Variants in PPP1R12B observed in about 807,000 individuals in gnomAD.
PPP1R12B encodes protein phosphatase 1 regulatory subunit 12B.
A neutral mutation model predicts 126.1 loss-of-function variants in PPP1R12B; 76 were observed. The ratio of observed to expected loss-of-function variants is 0.60; its 90% CI spans 0.50 to 0.73. The LOEUF (loss-of-function observed/expected upper bound fraction) is 0.73, where lower values mean the gene tolerates loss of function less well. PPP1R12B is among the 30% of genes least tolerant of loss of function. The pLI is 0.00. For synonymous variants in PPP1R12B, 356 were observed against 434.7 expected, an observed-to-expected ratio of 0.82 and a Z score of 2.25; for missense variants, 1,052 against 1,205.1, an observed-to-expected ratio of 0.87 and a Z score of 1.88.
In PPP1R12B at chr1:202,575,014, C is replaced by T. The variant is rs1176579976; in HGVS notation, c.2863-5460C>T. The T allele has an allele frequency of 1.9e-6, 3 of 1,611,734 alleles. No homozygotes were observed. The African/African-American group carries it at 4.0e-5, about 21-fold the overall frequency. The stretch of plus-strand genomic sequence containing the variant: ...TCAATCTCTACAGAACCTCCACCAG[C>T]TAAAACAGATTCAAACCTTGAAGCA... On this transcript the variant is annotated intron_variant, in intron 23 of 23. Transcript: ENST00000608999.
chr1:202,533,441 C>T (rs552795525), intron 18 of PPP1R12B, among the ~76,000 whole-genome samples: 65 of 152,260 alleles, frequency 4.3e-4, no homozygotes, highest in African/African-American at 1.5e-3. Context: ...CGGTGGGCAC[C>T]ACCATGCCTT....
intron 1 of PPP1R12B, among the ~76,000 whole-genome samples, chr1:202,415,240 C>T (rs1667918334): frequency 6.6e-6 from 1 of 151,908 alleles, no homozygotes; most frequent in East Asian, 1.9e-4. Context: ...ATTTTTTTAA[C>T]TGTATGTGGT....
intron 1 of PPP1R12B, among the ~76,000 whole-genome samples, chr1:202,394,343 G>A (rs1331830448): frequency 1.3e-5 from 2 of 152,048 alleles, no homozygotes; most frequent in Non-Finnish European, 2.9e-5. Flanking sequence ...TATATGAAAA[G>A]TACATGTAAG....
Position 202,583,515 on chromosome 1 carries a change from T to C in PPP1R12B, c.*2955T>C, listed in dbSNP as rs1384772598. On this transcript the variant is annotated 3_prime_UTR_variant, in exon 24 of 24. Coordinates refer to ENST00000608999, the MANE Select transcript of PPP1R12B (RefSeq NM_002481.4). ...GTAAACTATCCTAGGTAATTTCAGG[T>C]ACTTTCTCTTATGCAATTAATTTTA... is the stretch of plus-strand genomic sequence containing the variant. The C allele has an allele frequency of 6.6e-6, 1 of 152,234 alleles. No homozygotes were observed. Among genetic ancestry groups the C allele is most frequent in the African/African-American group, 2.4e-5 (1 of 41,462 alleles). The allele number at this position is 152,234 out of a possible 1,614,324, so 9.4% of individuals were successfully genotyped here. A position where few individuals can be genotyped will look rare whatever the true frequency, so the allele number is the denominator to read the frequency against.
intron 12 of PPP1R12B, among the ~76,000 whole-genome samples, chr1:202,443,995 A>C (rs1354734914): frequency 1.3e-5 from 2 of 152,238 alleles, no homozygotes; most frequent in African/African-American, 4.8e-5. Flanking sequence ...AACTTGCTTC[A>C]TATCTTGGAT....
rs1261016887 is a variant in PPP1R12B, at chr1:202,419,139, C to T, written c.422+2222C>T. On this transcript the variant is annotated intron_variant, in intron 2 of 23. Transcript: ENST00000608999. The surrounding 1 kb of genome is among the most constrained non-coding windows in gnomAD (Gnocchi z 4.6). The stretch of plus-strand genomic sequence containing the variant: ...TTCCTCATTTTAAAATGAGTTCAGG[C>T]TCAATGCTAGTTAGCTGGGTGTTTT... Among the ~76,000 whole-genome samples, 1 of 152,088 alleles carries T rather than the reference C, an allele frequency of 6.6e-6. No homozygotes were observed. Among genetic ancestry groups the T allele is most frequent in the African/African-American group, 2.4e-5 (1 of 41,436 alleles).
intron 13 of PPP1R12B, among the ~76,000 whole-genome samples, chr1:202,450,009 T>A (rs1440170672): frequency 2.0e-5 from 3 of 152,212 alleles, no homozygotes; most frequent in Non-Finnish European, 2.9e-5. Context: ...TAAGCATATC[T>A]TTTTTCTGTT....
intron 10 of PPP1R12B, chr1:202,438,989 C>A: frequency 6.7e-7 from 1 of 1,497,270 alleles, no homozygotes. Flanking sequence ...GCGCATGGCC[C>A]TGGCCAACCG....
rs1655419636 is a variant in PPP1R12B at position 202,349,006 on chromosome 1, C to G, written c.155C>G (p.Pro52Arg). ...GRQPLTRRGS[P>R]RVRFEDGAVF... ...CAGCCGCTGACCAGGCGCGGGAGCC[C>G]CAGGGTCCGCTTCGAGGACGGTGCT... Residue 52 changes from proline to arginine, a missense_variant, in exon 1 of 24, where the codon CCC becomes CGC. Coordinates refer to ENST00000608999, the MANE Select transcript of PPP1R12B (RefSeq NM_002481.4). The G allele has an allele frequency of 1.2e-6, 2 of 1,608,746 alleles. No homozygotes were observed. Among genetic ancestry groups the G allele is most frequent in the African/African-American group, 2.7e-5 (2 of 74,902 alleles).
At chr1:202,371,787 G>A (rs2148451857) in intron 1 of PPP1R12B, among the ~76,000 whole-genome samples, 1 of 151,594 alleles carries the variant, frequency 6.6e-6, no homozygotes, top group South Asian at 2.1e-4. Context: ...CATAAACATG[G>A]TGCGTTATTC....
chr1:202,439,564 A>G lies in PPP1R12B; in HGVS notation c.1459-1142A>G, dbSNP rs1005168230. ...CTCTCTGTGGTCACTCCTGCCAGGA[A>G]CTGACCACCCAGGTGGCCGCCACCC... On this transcript the variant is annotated intron_variant, in intron 10 of 23. Transcript: ENST00000608999. 7 of 1,466,052 alleles carry G rather than the reference A, an allele frequency of 4.8e-6. No individual in the cohort carries two copies. In the Admixed American group the frequency reaches 1.4e-4, roughly 29 times the overall value. The allele number at this position is 1,466,052 out of a possible 1,614,324, so 90.8% of individuals were successfully genotyped here.
At chr1:202,489,516 G>A (rs1423595175) in intron 14 of PPP1R12B, among the ~76,000 whole-genome samples, 1 of 152,146 alleles carries the variant, frequency 6.6e-6, no homozygotes, top group African/African-American at 2.4e-5. Flanking sequence ...CATGCTATTT[G>A]GCAATAAAAA....
chr1:202,436,857 T>G (rs1175267934), intron 9 of PPP1R12B, among the ~76,000 whole-genome samples: 1 of 151,990 alleles, frequency 6.6e-6, no homozygotes, highest in African/African-American at 2.4e-5. Context: ...TAGTTTTTTT[T>G]TTGTTTTTTT....
chr1:202,426,619 C>T (rs1167325668), intron 4 of PPP1R12B, among the ~76,000 whole-genome samples: 9 of 152,088 alleles, frequency 5.9e-5, no homozygotes, highest in African/African-American at 2.2e-4. Flanking sequence ...TTATTGTTGA[C>T]ACTATTACAG....
intron 2 of PPP1R12B, among the ~76,000 whole-genome samples, chr1:202,420,323 AAGAGGGAATTC>A (rs1421157980): frequency 6.6e-6 from 1 of 152,166 alleles, no homozygotes; most frequent in Non-Finnish European, 1.5e-5. Context: ...AAAGGAAGGA[AAGAGGGAATTC>A]AGTTTGTGAG....
chr1:202,580,911 G>C lies in PPP1R12B; in HGVS notation c.*351G>C, dbSNP rs1689514596. ...CATTGGATTTGGTCCAAACATGTAA[G>C]ACTTCTACCCTAATCAGTATCCTTC... is the stretch of plus-strand genomic sequence containing the variant. On this transcript the variant is annotated 3_prime_UTR_variant, in exon 24 of 24. Transcript: ENST00000608999. 1 of 251,254 alleles carries C rather than the reference G, an allele frequency of 4.0e-6. No individual in the cohort carries two copies. The highest frequency in any genetic ancestry group is 4.5e-5 in the Admixed American group (1 of 22,148). 15.6% of individuals were successfully genotyped at this position (251,254 alleles called of 1,614,324 possible). A position where few individuals can be genotyped will look rare whatever the true frequency, so the allele number is the denominator to read the frequency against.
chr1:202,377,457 C>T (rs1661377160), intron 1 of PPP1R12B, among the ~76,000 whole-genome samples: 1 of 151,926 alleles, frequency 6.6e-6, no homozygotes, highest in South Asian at 2.1e-4. Context: ...CGCCCGCCAC[C>T]ACGCCCGGCT....
intron 21 of PPP1R12B, among the ~76,000 whole-genome samples, chr1:202,566,618 A>G (rs766097431): frequency 2.0e-5 from 3 of 152,264 alleles, no homozygotes; most frequent in Admixed American, 6.5e-5. Flanking sequence ...CCTCAGGCTT[A>G]GGAAAGAAAG....
chr1:202,407,654 T>C (rs1252811388), intron 1 of PPP1R12B, among the ~76,000 whole-genome samples: 1 of 152,206 alleles, frequency 6.6e-6, no homozygotes, highest in East Asian at 1.9e-4. Flanking sequence ...GCAGTAGTTA[T>C]ACTATATCAT....
Sources: gnomAD v4.1 joint callset for allele counts (sites outside exome capture counted in the v4.1 genomes callset) on GRCh38, gnomAD v4.1.1 for gene constraint, Gnocchi (gnomAD v3.1) non-coding constraint, MANE v1.5 for transcripts, NCBI Gene and HGNC (gene_info 2026-07-23, HGNC 2026-07-21) for gene names.